ATP8A2: variants seen among roughly 807,000 people sequenced by gnomAD.
ATP8A2 encodes the protein ATPase phospholipid transporting 8A2, also known as phospholipid-transporting ATPase IB.
ATP8A2 carries 100 observed loss-of-function variants against 165.6 expected under a neutral mutation model. The observed-to-expected ratio is 0.60, with a 90% CI of 0.51 to 0.71. The LOEUF (loss-of-function observed/expected upper bound fraction) is 0.71. Among genes scored for constraint, ATP8A2 ranks in the 30% least tolerant of loss-of-function variants. ATP8A2 has a pLI of 0.00. For missense variants in ATP8A2, 1,227 were observed against 1,479.5 expected (o/e 0.83, Z 2.80); for synonymous variants, 543 against 548.8 (o/e 0.99, Z 0.15).
chr13:25,886,822 T>C (rs1268066870), intron 33 of ATP8A2, among the ~76,000 whole-genome samples: 6 of 152,198 alleles, frequency 3.9e-5, no homozygotes, highest in Admixed American at 2.6e-4. Context: ...ATGAGGTGGC[T>C]TCCACTCTGC....
At position 25,983,892 on chromosome 13, in the gene ATP8A2, C is replaced by T. The variant is rs564935703; in HGVS notation, c.3377+15213C>T. On this transcript the variant is annotated intron_variant, in intron 35 of 36. Coordinates refer to ENST00000381655, the MANE Select transcript of ATP8A2 (RefSeq NM_016529.6). ...AGTGCCCAAGGAAAATTAGAATTCC[C>T]AAGCAGGTAGTGAAGCAGGGGACGA... is the stretch of plus-strand genomic sequence containing the variant. 1.2e-4 allele frequency among the ~76,000 whole-genome samples: 19 copies of T among 152,080 alleles called. No individual in the cohort carries two copies. In the South Asian group the frequency reaches 2.7e-3, roughly 22 times the overall value.
At chr13:25,883,653 G>A (rs1953050332) in intron 33 of ATP8A2, among the ~76,000 whole-genome samples, 1 of 152,224 alleles carries the variant, frequency 6.6e-6, no homozygotes, top group African/African-American at 2.4e-5. Flanking sequence ...CCAACATGTA[G>A]TGGACATCTG....
intron 33 of ATP8A2, among the ~76,000 whole-genome samples, chr13:25,942,703 C>A (rs1343755331): frequency 6.6e-6 from 1 of 152,212 alleles, no homozygotes; most frequent in African/African-American, 2.4e-5. Context: ...GGATTACAGG[C>A]GTGAGCCACC....
At position 25,468,807 on chromosome 13, in the gene ATP8A2, G is replaced by T. The variant is rs891009586; in HGVS notation, c.77-170G>T. On this transcript the variant is annotated intron_variant, in intron 1 of 36. Coordinates refer to ENST00000381655, the MANE Select transcript of ATP8A2 (RefSeq NM_016529.6). ...GGGCGGGGCCGGCCTTGGCTGCCGC[G>T]GCACAGGCGGCGGCGTCTCCAGGGG... 2.2e-5 allele frequency: 22 copies of T among 982,402 alleles called. No individual in the cohort carries two copies. The African/African-American group carries it at 3.5e-4, about 16-fold the overall frequency. The allele number at this position is 982,402 out of a possible 1,614,324, so 60.9% of individuals were successfully genotyped here. A position where few individuals can be genotyped will look rare whatever the true frequency, so the allele number is the denominator to read the frequency against.
chr13:25,949,085 C>T (rs868685755), intron 33 of ATP8A2, among the ~76,000 whole-genome samples: 52 of 152,222 alleles, frequency 3.4e-4, no homozygotes, highest in African/African-American at 1.1e-3. Context: ...AGTACCTTCT[C>T]CCTCTGCTGT....
chr13:25,624,908 A>G (rs1215480388), intron 24 of ATP8A2, among the ~76,000 whole-genome samples: 1 of 152,152 alleles, frequency 6.6e-6, no homozygotes, highest in Non-Finnish European at 1.5e-5. Context: ...GTTGCTTCTG[A>G]TATATTTGAA....
At chr13:25,519,190 G>A (rs1337436731) in intron 2 of ATP8A2, among the ~76,000 whole-genome samples, 3 of 152,204 alleles carry the variant, frequency 2.0e-5, no homozygotes, top group African/African-American at 7.2e-5. Context: ...CATGAGACTT[G>A]CTCCTGCTCC....
rs1441045696 is a variant in ATP8A2, at chr13:25,624,763, A to G, written c.2211+35064A>G. Among the ~76,000 whole-genome samples the G allele has an allele frequency of 2.0e-5, 3 of 152,208 alleles. 1 individual carries two copies. In the South Asian group the frequency reaches 6.2e-4, roughly 32 times the overall value. ...TTGTCTCTGAGCTGCTTTCAGAAAA[A>G]TAGTTCAACCAAGTAAATTGATTAG... On this transcript the variant is annotated intron_variant, in intron 24 of 36. Transcript: ENST00000381655.
chr13:25,600,449 G>A (rs909367655), intron 24 of ATP8A2, among the ~76,000 whole-genome samples: 1 of 152,186 alleles, frequency 6.6e-6, no homozygotes, highest in East Asian at 1.9e-4. Context: ...GCACAGAAAT[G>A]AATTTCAAGT....
At chr13:25,940,176 C>T (rs137950768) in intron 33 of ATP8A2, among the ~76,000 whole-genome samples, 1,755 of 152,212 alleles carry the variant, frequency 0.012, 20 homozygotes, top group Non-Finnish European at 0.017. Flanking sequence ...CTCCTCTGCT[C>T]TTCATGCCGA....
intron 24 of ATP8A2, among the ~76,000 whole-genome samples, chr13:25,601,225 G>A (rs568486641): frequency 6.6e-6 from 1 of 152,238 alleles, no homozygotes; most frequent in African/African-American, 2.4e-5. Flanking sequence ...GTAAGTCGTA[G>A]TTAACTATTT....
At chr13:25,988,331 C>T (rs1384082660) in intron 35 of ATP8A2, among the ~76,000 whole-genome samples, 1 of 152,242 alleles carries the variant, frequency 6.6e-6, no homozygotes, top group Non-Finnish European at 1.5e-5. Context: ...CCCCAACTCT[C>T]TGGTAATGAG....
intron 1 of ATP8A2, among the ~76,000 whole-genome samples, chr13:25,467,302 T>C (rs1186747203): frequency 6.6e-6 from 1 of 152,194 alleles, no homozygotes; most frequent in Non-Finnish European, 1.5e-5. Context: ...CCACTAGGCG[T>C]CCCCATCTAG....
chr13:25,685,867 AG>A (rs1186201400), intron 24 of ATP8A2, among the ~76,000 whole-genome samples: 3 of 152,160 alleles, frequency 2.0e-5, no homozygotes, highest in African/African-American at 7.2e-5. Context: ...GTGGAGGCCC[AG>A]GGACAGTTCA....
At position 25,429,979 on chromosome 13, in the gene ATP8A2, G is replaced by A. The variant is rs1423597753; in HGVS notation, c.77-38998G>A. Among the ~76,000 whole-genome samples, 3 of 152,180 alleles carry A rather than the reference G, an allele frequency of 2.0e-5. No homozygotes were observed. The East Asian group carries it at 5.8e-4, about 29-fold the overall frequency. ...TTGGGCTTTTAGACAGTTTGGCAGT[G>A]AAACAAGGAAGGTTTAGGAGCCAGC... is the stretch of plus-strand genomic sequence containing the variant. On this transcript the variant is annotated intron_variant, in intron 1 of 36. Coordinates refer to ENST00000381655, the MANE Select transcript of ATP8A2 (RefSeq NM_016529.6).
intron 25 of ATP8A2, chr13:25,705,123 T>C (rs1379057467): frequency 2.4e-6 from 1 of 421,196 alleles, no homozygotes; most frequent in Non-Finnish European, 4.7e-6. Flanking sequence ...AGTTATCTGT[T>C]CTTTCTTCCC....
intron 28 of ATP8A2, among the ~76,000 whole-genome samples, chr13:25,833,997 T>C (rs1413816929): frequency 6.6e-6 from 1 of 152,212 alleles, no homozygotes; most frequent in Non-Finnish European, 1.5e-5. Context: ...TGAGTAGACA[T>C]TTCACAGAAC....
At chr13:25,678,434 A>T (rs999352268) in intron 24 of ATP8A2, among the ~76,000 whole-genome samples, 12 of 152,152 alleles carry the variant, frequency 7.9e-5, no homozygotes, top group African/African-American at 2.7e-4. Flanking sequence ...TGCTGAGTTG[A>T]TTGAATTACC....
intron 2 of ATP8A2, among the ~76,000 whole-genome samples, chr13:25,481,173 G>A: frequency 6.8e-6 from 1 of 146,534 alleles, no homozygotes; most frequent in South Asian, 2.1e-4. Flanking sequence ...AGACCGTGGG[G>A]AGAGGGAGAG....
Sources: allele counts gnomAD v4.1 joint callset (sites outside exome capture counted in the v4.1 genomes callset), GRCh38; gene constraint gnomAD v4.1.1; transcripts MANE v1.5; gene names NCBI Gene and HGNC (gene_info 2026-07-23, HGNC 2026-07-21).